PCDH11X: variants seen among roughly 807,000 people sequenced by gnomAD.
PCDH11X encodes protocadherin-11 X-linked.
A neutral mutation model predicts 53.3 loss-of-function variants in PCDH11X; 18 were observed. That is an observed-to-expected ratio of 0.34 (90% CI 0.23 to 0.50). The LOEUF (loss-of-function observed/expected upper bound fraction) is 0.50. Ranked by LOEUF, PCDH11X falls within the 20% of genes least tolerant of loss-of-function variation. The pLI, the probability that PCDH11X is intolerant of heterozygous loss-of-function variation, is 0.98. For missense variants in PCDH11X, 570 were observed against 1,032.4 expected (o/e 0.55, Z 6.14); for synonymous variants, 279 against 393.3 (o/e 0.71, Z 3.44).
intron 5 of PCDH11X, among the ~76,000 whole-genome samples, chrX:91,860,819 G>A (rs1396695352): frequency 9.8e-5 from 11 of 112,086 alleles, no homozygotes; most frequent in African/African-American, 3.2e-4. Flanking sequence ...AAGCTGACTT[G>A]ATCGTGGTGG....
chrX:91,970,129 G>A (rs983884922), intron 6 of PCDH11X, among the ~76,000 whole-genome samples: 3 of 110,929 alleles, frequency 2.7e-5, no homozygotes, highest in Non-Finnish European at 3.8e-5. Context: ...CTGGCTTCAC[G>A]AATGAAGCCG....
chrX:92,235,096 T>C (rs771869676), intron 7 of PCDH11X, among the ~76,000 whole-genome samples: 12 of 111,076 alleles, frequency 1.1e-4, no homozygotes, highest in Non-Finnish European at 2.1e-4. Flanking sequence ...AGAAAGAAGC[T>C]GCAGAAGGAT....
intron 8 of PCDH11X, among the ~76,000 whole-genome samples, chrX:92,300,309 C>A (rs770645698): frequency 9.0e-6 from 1 of 111,168 alleles, no homozygotes; most frequent in African/African-American, 3.3e-5. Context: ...AAAATAGATT[C>A]ATCGCTGGGA....
intron 9 of PCDH11X, among the ~76,000 whole-genome samples, chrX:92,403,025 G>A (rs1174570904): frequency 1.8e-5 from 2 of 108,388 alleles, no homozygotes; most frequent in African/African-American, 3.4e-5. Flanking sequence ...GATTCTAATT[G>A]AAGATGAATA....
At chrX:92,045,692 C>T (rs766425682) in intron 6 of PCDH11X, among the ~76,000 whole-genome samples, 6 of 104,630 alleles carry the variant, frequency 5.7e-5, no homozygotes, top group African/African-American at 2.1e-4. Context: ...GTAATCCCAG[C>T]ACTTTCGAAG....
intron 10 of PCDH11X, among the ~76,000 whole-genome samples, chrX:92,595,998 C>T (rs1925550159): frequency 9.0e-6 from 1 of 110,989 alleles, no homozygotes; most frequent in Admixed American, 9.6e-5. Context: ...GCTACCTCCT[C>T]ATGTGGGAAA....
intron 8 of PCDH11X, among the ~76,000 whole-genome samples, chrX:92,363,983 G>A (rs2070403977): frequency 1.8e-5 from 2 of 111,331 alleles, no homozygotes; most frequent in Non-Finnish European, 3.8e-5. Context: ...ATGTTGAACT[G>A]TCTTTGCATT....
chrX:92,542,451 G>C (rs990121276), intron 10 of PCDH11X, among the ~76,000 whole-genome samples: 2 of 110,001 alleles, frequency 1.8e-5, no homozygotes, highest in African/African-American at 6.6e-5. Flanking sequence ...TGGAACACTG[G>C]GACCACTAGC....
intron 6 of PCDH11X, among the ~76,000 whole-genome samples, chrX:91,928,993 A>G (rs1053675352): frequency 9.0e-6 from 1 of 110,808 alleles, no homozygotes; most frequent in African/African-American, 3.3e-5. Flanking sequence ...ATGTCTTAGG[A>G]GCTTTGTAGA....
Position 92,485,014 on chromosome X carries a change from T to G in PCDH11X, c.3367+16692T>G, listed in dbSNP as rs374490634. 9.0e-5 allele frequency among the ~76,000 whole-genome samples: 10 copies of G among 110,763 alleles called. No individual in the cohort carries two copies. In the East Asian group the frequency reaches 2.6e-3, roughly 28 times the overall value. Reference sequence around the variant, plus strand: ...TGTTTCTTTAAAAATTAATTATACATATTCATTTTCATACATTTATTAATA... The same window carrying G: ...TGTTTCTTTAAAAATTAATTATACAGATTCATTTTCATACATTTATTAATA... On this transcript the variant is annotated intron_variant, in intron 10 of 10. Transcript: ENST00000682573.
chrX:92,016,066 T>A (rs1156956880), intron 6 of PCDH11X, among the ~76,000 whole-genome samples: 1 of 112,707 alleles, frequency 8.9e-6, no homozygotes, highest in African/African-American at 3.2e-5. Context: ...TTTTCAGAAG[T>A]GTTGGGCGAC....
intron 7 of PCDH11X, among the ~76,000 whole-genome samples, chrX:92,257,628 A>G (rs1275419434): frequency 8.9e-6 from 1 of 112,700 alleles, no homozygotes; most frequent in Non-Finnish European, 1.9e-5. Context: ...GAAAGGGGCT[A>G]CAGACCCCAT....
intron 9 of PCDH11X, among the ~76,000 whole-genome samples, chrX:92,439,429 C>T (rs140881740): frequency 0.025 from 2,809 of 110,894 alleles, 64 homozygotes; most frequent in African/African-American, 0.07. Flanking sequence ...GGATCTTCCT[C>T]CATGTAATGA....
At chrX:91,895,693 G>A (rs1241182753) in intron 6 of PCDH11X, among the ~76,000 whole-genome samples, 1 of 107,931 alleles carries the variant, frequency 9.3e-6, no homozygotes, top group African/African-American at 3.3e-5. Flanking sequence ...AGATATTTAT[G>A]TAAGTTTGAT....
intron 7 of PCDH11X, among the ~76,000 whole-genome samples, chrX:92,217,128 G>T (rs1286050462): frequency 8.1e-5 from 9 of 110,947 alleles, no homozygotes; most frequent in African/African-American, 3.0e-4. Context: ...TCGAGGCTAG[G>T]AAGAAACTGC....
Position 92,190,731 on chromosome X carries a change from G to T in PCDH11X, c.3034-10644G>T, listed in dbSNP as rs148293778. On this transcript the variant is annotated intron_variant, in intron 6 of 10. Transcript: ENST00000682573. ...ACATTTGATGGGAAATAATAATATGGAATAATCACAAATTACTGCTTAATG... is the reference window on the plus strand; with the variant it reads ...ACATTTGATGGGAAATAATAATATGTAATAATCACAAATTACTGCTTAATG... Among the ~76,000 whole-genome samples the T allele has an allele frequency of 1.0e-2, 1,113 of 111,404 alleles. 13 individuals carry two copies. The highest frequency in any genetic ancestry group is 0.035 in the African/African-American group (1,076 of 30,785).
rs773919602 is a variant in PCDH11X, at chrX:92,422,970, TC to T, written c.3343+35040del. On this transcript the variant is annotated intron_variant, in intron 9 of 10. Coordinates refer to ENST00000682573, the MANE Select transcript of PCDH11X (RefSeq NM_032968.5). Reference sequence around the variant, plus strand: ...TTCACGCCATTCTCCTGCCTCAGCCTCCCAAGTAGCTGGGACTACAGGCACC... The same window carrying T: ...TTCACGCCATTCTCCTGCCTCAGCCTCCAAGTAGCTGGGACTACAGGCACC... 1.0e-4 allele frequency among the ~76,000 whole-genome samples: 11 copies of T among 107,298 alleles called. No individual in the cohort carries two copies. In the South Asian group the frequency reaches 3.3e-3, roughly 32 times the overall value. 93.2% of individuals were successfully genotyped at this position (107,298 alleles called of 115,157 possible).
chrX:92,069,961 C>A (rs897418313), intron 6 of PCDH11X, among the ~76,000 whole-genome samples: 1 of 111,345 alleles, frequency 9.0e-6, no homozygotes, highest in Non-Finnish European at 1.9e-5. Flanking sequence ...GCCAGGATTA[C>A]AGTCTTGAGC....
intron 9 of PCDH11X, among the ~76,000 whole-genome samples, chrX:92,403,342 T>G (rs1215004832): frequency 1.1e-5 from 1 of 90,293 alleles, no homozygotes. Flanking sequence ...TTTTTTTGTT[T>G]TTTTTTTTTT....
Sources: gnomAD v4.1 joint callset for allele counts (sites outside exome capture counted in the v4.1 genomes callset) on GRCh38, gnomAD v4.1.1 for gene constraint, MANE v1.5 for transcripts, NCBI Gene and HGNC (gene_info 2026-07-23, HGNC 2026-07-21) for gene names.